THG1L: variants seen among roughly 807,000 people sequenced by gnomAD.
THG1L encodes the protein tRNA-histidine guanylyltransferase 1 like.
A neutral mutation model predicts 35.2 loss-of-function variants in THG1L; 27 were observed. The ratio of observed to expected loss-of-function variants is 0.77; its 90% confidence interval spans 0.57 to 1.06. THG1L has a LOEUF of 1.06. THG1L is among the 50% of genes least tolerant of loss of function. The probability of loss-of-function intolerance (pLI) is 0.00; values close to 1 mark genes in which losing one functional copy is unlikely to be tolerated. For synonymous variants in THG1L, 135 were observed against 132.4 expected, an observed-to-expected ratio of 1.02 and a Z score of -0.14; for missense variants, 377 against 371.8, an observed-to-expected ratio of 1.01 and a Z score of -0.12.
At chr5:157,734,857 A>G (rs571271194) in intron 3 of THG1L, 112 bp downstream of exon 3, 1 of 1,157,332 alleles carries the variant, frequency 8.6e-7, no homozygotes, top group Non-Finnish European at 1.2e-6. Context: ...TATACGTTGT[A>G]CAGAATGCAG....
At chr5:157,734,424 A>T (rs1371532550) in intron 2 of THG1L, 152 bp from the exon 3 acceptor site, 1 of 879,414 alleles carries the variant, frequency 1.1e-6, no homozygotes, top group Non-Finnish European at 1.8e-6. Flanking sequence ...AAGGTATTAA[A>T]ATAGTGTTTC....
chr5:157,737,577 C>T (rs947653641), intron 4 of THG1L, among the ~76,000 whole-genome samples: 1 of 152,086 alleles, frequency 6.6e-6, no homozygotes, highest in Non-Finnish European at 1.5e-5. Context: ...AACCTTTTAA[C>T]CTTGGGGAAT....
At chr5:157,738,590 T>C (rs932808127) in intron 5 of THG1L, 1 of 344,048 alleles carries the variant, frequency 2.9e-6, no homozygotes, top group Non-Finnish European at 5.7e-6. Flanking sequence ...AGTTTTTTTG[T>C]TTTTTTTTTT....
rs1413431138 is a variant in THG1L, at chr5:157,735,866, A to G, written c.559A>G (p.Asn187Asp). ...QADCHINNLY[N>D]TVFWALIQQS... ...CACAGGTCACATCAATAATCTTTATAATACAGTTTTCTGGGCACTTATACA... is the reference window on the plus strand; with the variant it reads ...CACAGGTCACATCAATAATCTTTATGATACAGTTTTCTGGGCACTTATACA... Residue 187 changes from asparagine to aspartate, a missense_variant, in exon 4 of 6, where the codon AAT (asparagine) becomes GAT (aspartate). Physicochemically the swap from Asn to Asp is conservative, Grantham distance 23. Transcript: ENST00000231198. 6.2e-7 allele frequency: 1 copy of G among 1,603,554 alleles called. No homozygotes were observed.
chr5:157,733,148 T>A, intron 2 of THG1L, 104 bp downstream of exon 2: 1 of 1,306,332 alleles, frequency 7.7e-7, no homozygotes. Flanking sequence ...ATGTCTGCAG[T>A]ATTTGTAACT....
Position 157,734,753 on chromosome 5 carries a change from G to C in THG1L, c.538+8G>C, listed in dbSNP as rs892736927. ...GCTGGCGACAAGCAGATTGTGAGTG[G>C]CACCAAATAAACACATGTAGTTAAA... On this transcript the variant is annotated splice_region_variant and intron_variant, in intron 3 of 5. Coordinates refer to ENST00000231198, the MANE Select transcript of THG1L (RefSeq NM_017872.5). 3 of 1,613,876 alleles carry C rather than the reference G, an allele frequency of 1.9e-6. No individual in the cohort carries two copies. The highest frequency in any genetic ancestry group is 3.3e-5 in the Admixed American group (2 of 59,984).
Position 157,733,869 on chromosome 5 carries a change from G to A in THG1L, c.369-707G>A, listed in dbSNP as rs189608283. Among the ~76,000 whole-genome samples the A allele has an allele frequency of 3.9e-3, 590 of 152,276 alleles. 10 individuals are homozygous for A. Among genetic ancestry groups the A allele is most frequent in the African/African-American group, 0.014 (572 of 41,566 alleles). On this transcript the variant is annotated intron_variant, in intron 2 of 5. Transcript: ENST00000231198. ...TGCCTATAGTCACAGCTACTAAGGA[G>A]GTTGAGGCAGGAGGATCCATTGAGC... is the stretch of plus-strand genomic sequence containing the variant.
rs940746766 is a variant in THG1L at position 157,740,728 on chromosome 5, C to G, written c.*1246C>G. 2.0e-5 allele frequency: 3 copies of G among 151,910 alleles called. No individual in the cohort carries two copies. The highest frequency in any genetic ancestry group is 7.3e-5 in the African/African-American group (3 of 41,314). The allele number at this position is 151,910 out of a possible 1,614,324, so 9.4% of individuals were successfully genotyped here. The stretch of plus-strand genomic sequence containing the variant: ...ACCAGCGTGACCAACGTGGAGAAAC[C>G]CCCGTCTCTACTAAAAATACAAAAA... On this transcript the variant is annotated 3_prime_UTR_variant, in exon 6 of 6. Transcript: ENST00000231198.
intron 5 of THG1L, chr5:157,738,746 C>T (rs1161782251): frequency 2.8e-6 from 1 of 356,376 alleles, no homozygotes; most frequent in Admixed American, 4.4e-5. Flanking sequence ...TAAGAAATAC[C>T]TTTAATTCTA....
intron 1 of THG1L, 107 bp downstream of exon 1, chr5:157,731,738 A>G: frequency 7.2e-7 from 1 of 1,392,566 alleles, no homozygotes. Flanking sequence ...TACCAGGGTA[A>G]CGCGGTAGCC....
At chr5:157,734,522 A>G (rs1414362645) in intron 2 of THG1L, 54 bp from the exon 3 acceptor site, 1 of 1,602,204 alleles carries the variant, frequency 6.2e-7, no homozygotes, top group Admixed American at 1.7e-5. Flanking sequence ...TGTTGAACTA[A>G]TTCCGTGTAT....
In THG1L at chr5:157,737,727, A is replaced by C. The variant is rs2270814; in HGVS notation, c.628-160A>C. Among the ~76,000 whole-genome samples, 15 of 152,332 alleles carry C rather than the reference A, an allele frequency of 9.8e-5. No individual in the cohort carries two copies. The East Asian group carries it at 2.9e-3, about 29-fold the overall frequency. On this transcript the variant is annotated intron_variant, in intron 4 of 5. Transcript: ENST00000231198. The stretch of plus-strand genomic sequence containing the variant: ...GAGAATTTTATCTAAGTAAGATCAT[A>C]ATTGCCCTTAAGATGAAAATTTACT...
intron 5 of THG1L, 98 bp from the exon 6 acceptor site, chr5:157,739,223 G>A (rs2113051100): frequency 8.7e-7 from 1 of 1,154,682 alleles, no homozygotes; most frequent in South Asian, 1.5e-5. Context: ...GCAGTCGGAA[G>A]TATATGAAGA....
chr5:157,733,591 G>A (rs980723408), intron 2 of THG1L, among the ~76,000 whole-genome samples: 1 of 151,862 alleles, frequency 6.6e-6, no homozygotes, highest in South Asian at 2.1e-4. Flanking sequence ...TTGGCCTCTC[G>A]AAGTGCTAGG....
At chr5:157,734,870 T>G in intron 3 of THG1L, 125 bp downstream of exon 3, 1 of 1,004,204 alleles carries the variant, frequency 1.0e-6, no homozygotes, top group African/African-American at 1.6e-5. Flanking sequence ...GAATGCAGTA[T>G]TTAAATATTT....
intron 1 of THG1L, 128 bp from the exon 2 acceptor site, chr5:157,732,740 A>G: frequency 9.4e-7 from 1 of 1,069,444 alleles, no homozygotes; most frequent in Non-Finnish European, 1.3e-6. Context: ...GGTTGTGGCT[A>G]GTTGAGCATT....
In THG1L at chr5:157,732,971, A is replaced by G; in HGVS notation, c.295A>G (p.Ile99Val). Residue 99 changes from isoleucine to valine, a missense_variant, in exon 2 of 6, where the codon ATC becomes GTC. Transcript: ENST00000231198. ...TVMEELEDIVIAYGQSDEYSF... is the reference protein window; with the variant it reads ...TVMEELEDIVVAYGQSDEYSF... The stretch of plus-strand genomic sequence containing the variant: ...GATGGAAGAACTAGAGGATATTGTG[A>G]TCGCGTATGGACAGAGTGATGAGTA... 6.2e-7 allele frequency: 1 copy of G among 1,614,262 alleles called. No individual in the cohort carries two copies. Among genetic ancestry groups the G allele is most frequent in the South Asian group, 1.1e-5 (1 of 91,082 alleles).
intron 2 of THG1L, 91 bp from the exon 3 acceptor site, chr5:157,734,485 C>T: frequency 6.7e-7 from 1 of 1,488,252 alleles, no homozygotes. Context: ...TGTGTACTCT[C>T]TGTGGTACCC....
intron 2 of THG1L, 123 bp downstream of exon 2, chr5:157,733,167 C>T: frequency 4.5e-6 from 5 of 1,104,054 alleles, no homozygotes; most frequent in Non-Finnish European, 6.5e-6. Flanking sequence ...CTGCAGAGTA[C>T]ATGTATATTT....
Sources: allele counts gnomAD v4.1 joint callset (sites outside exome capture counted in the v4.1 genomes callset), GRCh38; gene constraint gnomAD v4.1.1; transcripts MANE v1.5; gene names NCBI Gene and HGNC (gene_info 2026-07-23, HGNC 2026-07-21).